The following SH3GL2 variants were observed in gnomAD, a reference collection of about 807,000 sequenced individuals.
SH3GL2 encodes endophilin-A1.
Under a neutral mutation model 46.0 loss-of-function variants are expected in SH3GL2, and 24 were observed. The ratio of observed to expected loss-of-function variants is 0.52; its 90% CI spans 0.38 to 0.73. The LOEUF (loss-of-function observed/expected upper bound fraction) is 0.73, where lower values mean the gene tolerates loss of function less well. SH3GL2 is among the 30% of genes least tolerant of loss of function. The probability of loss-of-function intolerance (pLI) is 0.00; values close to 1 mark genes in which losing one functional copy is unlikely to be tolerated. For missense variants in SH3GL2, 413 were observed against 424.2 expected (o/e 0.97, Z 0.23); for synonymous variants, 196 against 147.1 (o/e 1.33, Z -2.40).
At chr9:17,791,557 A>G (rs1824130133) in intron 7 of SH3GL2, among the ~76,000 whole-genome samples, 1 of 152,094 alleles carries the variant, frequency 6.6e-6, no homozygotes. Context: ...CGATACTTGG[A>G]TTATATTTTG....
At chr9:17,656,778 A>AC (rs894797419) in intron 1 of SH3GL2, among the ~76,000 whole-genome samples, 5 of 150,940 alleles carry the variant, frequency 3.3e-5, no homozygotes, top group Admixed American at 6.6e-5. Context: ...CTCAAAAAAA[A>AC]AAAAAAAAAC....
At chr9:17,607,183 T>G (rs1013359137) in intron 1 of SH3GL2, among the ~76,000 whole-genome samples, 6 of 152,124 alleles carry the variant, frequency 3.9e-5, no homozygotes, top group Admixed American at 1.3e-4. Flanking sequence ...CATCCTAGAG[T>G]GTAATCACAC....
chr9:17,633,418 T>A lies in SH3GL2; in HGVS notation c.45+54131T>A, dbSNP rs117563460. Reference sequence around the variant, plus strand: ...TAAAAGCATGGGTAACTGCTTAACATGTATTAAATGAAAAAGCAAAATACG... The same window carrying A: ...TAAAAGCATGGGTAACTGCTTAACAAGTATTAAATGAAAAAGCAAAATACG... On this transcript the variant is annotated intron_variant, in intron 1 of 8. Transcript: ENST00000380607. 8.4e-3 allele frequency among the ~76,000 whole-genome samples: 1,274 copies of A among 152,304 alleles called. 12 individuals are homozygous for A. Among genetic ancestry groups the A allele is most frequent in the Middle Eastern group, 0.017 (5 of 294 alleles).
intron 1 of SH3GL2, among the ~76,000 whole-genome samples, chr9:17,693,134 T>C (rs538041301): frequency 6.6e-6 from 1 of 152,264 alleles, no homozygotes; most frequent in African/African-American, 2.4e-5. Flanking sequence ...AAAATAAAAC[T>C]TTTTTTAAGT....
intron 1 of SH3GL2, among the ~76,000 whole-genome samples, chr9:17,683,277 A>G (rs898269175): frequency 6.6e-6 from 1 of 152,122 alleles, no homozygotes; most frequent in African/African-American, 2.4e-5. Flanking sequence ...CTCATGGGGA[A>G]CACTGGGGGC....
At chr9:17,678,506 A>T (rs1329197247) in intron 1 of SH3GL2, among the ~76,000 whole-genome samples, 1 of 151,938 alleles carries the variant, frequency 6.6e-6, no homozygotes, top group African/African-American at 2.4e-5. Flanking sequence ...AATTTGCTTG[A>T]GTTCATTGTA....
intron 1 of SH3GL2, among the ~76,000 whole-genome samples, chr9:17,636,202 G>A (rs12553683): frequency 7.4e-4 from 112 of 152,196 alleles, no homozygotes; most frequent in African/African-American, 2.4e-3. Context: ...TGGGATAACC[G>A]TGGATTGAAA....
intron 1 of SH3GL2, among the ~76,000 whole-genome samples, chr9:17,741,039 C>T (rs759994439): frequency 7.2e-5 from 11 of 151,984 alleles, no homozygotes; most frequent in South Asian, 4.1e-4. Flanking sequence ...GAATTGTCAA[C>T]GGTATTCTTT....
At chr9:17,720,670 T>C (rs1821873656) in intron 1 of SH3GL2, among the ~76,000 whole-genome samples, 1 of 152,096 alleles carries the variant, frequency 6.6e-6, no homozygotes, top group African/African-American at 2.4e-5. Flanking sequence ...AAGGAGGCAG[T>C]TTTAGGCTAA....
chr9:17,696,020 C>T (rs1176033000), intron 1 of SH3GL2, among the ~76,000 whole-genome samples: 1 of 152,196 alleles, frequency 6.6e-6, no homozygotes, highest in Admixed American at 6.5e-5. Context: ...GTGTTGTTGT[C>T]TGAGTTGTCC....
intron 1 of SH3GL2, chr9:17,589,611 A>T (rs1815166190): frequency 6.6e-6 from 1 of 152,240 alleles, no homozygotes; most frequent in Admixed American, 6.5e-5. Context: ...CAGGGATTTC[A>T]GTTAGAGTAG....
At chr9:17,634,109 T>C (rs563813058) in intron 1 of SH3GL2, among the ~76,000 whole-genome samples, 17 of 152,324 alleles carry the variant, frequency 1.1e-4, no homozygotes, top group African/African-American at 3.8e-4. Context: ...TTTGGAACTT[T>C]GGGCTCTTGA....
At chr9:17,728,606 C>T (rs1450640816) in intron 1 of SH3GL2, among the ~76,000 whole-genome samples, 1 of 152,098 alleles carries the variant, frequency 6.6e-6, no homozygotes, top group African/African-American at 2.4e-5. Flanking sequence ...AGGTATTTCT[C>T]CTAATGCTAT....
Position 17,672,641 on chromosome 9 carries a change from C to G in SH3GL2, c.46-74425C>G, listed in dbSNP as rs189545922. ...CCCTCTTTCTGGGAGCCACCCACCCCCTTCACCCAATACAGAGGACCTAAG... is the reference window on the plus strand; with the variant it reads ...CCCTCTTTCTGGGAGCCACCCACCCGCTTCACCCAATACAGAGGACCTAAG... On this transcript the variant is annotated intron_variant, in intron 1 of 8. Transcript: ENST00000380607. Among the ~76,000 whole-genome samples, 65 of 152,220 alleles carry G rather than the reference C, an allele frequency of 4.3e-4. 1 individual carries two copies. Among genetic ancestry groups the G allele is most frequent in the African/African-American group, 1.3e-3 (55 of 41,548 alleles).
chr9:17,673,079 G>A (rs189363325), intron 1 of SH3GL2, among the ~76,000 whole-genome samples: 7 of 152,076 alleles, frequency 4.6e-5, no homozygotes, highest in African/African-American at 1.7e-4. Flanking sequence ...TGTCAATTCT[G>A]CTTCAATAGT....
At chr9:17,613,589 A>G (rs111387904) in intron 1 of SH3GL2, among the ~76,000 whole-genome samples, 5,305 of 152,276 alleles carry the variant, frequency 0.035, 132 homozygotes, top group Middle Eastern at 0.078. Flanking sequence ...TTATTTGTCA[A>G]ATAAAGCACA....
chr9:17,702,003 A>C (rs1821352651), intron 1 of SH3GL2, among the ~76,000 whole-genome samples: 1 of 152,080 alleles, frequency 6.6e-6, no homozygotes, highest in Non-Finnish European at 1.5e-5. Flanking sequence ...AAGGAAGGAT[A>C]ATAAGGAAAA....
intron 1 of SH3GL2, among the ~76,000 whole-genome samples, chr9:17,644,726 G>A (rs895293173): frequency 6.6e-6 from 1 of 152,118 alleles, no homozygotes; most frequent in Admixed American, 6.6e-5. Context: ...ATTTGCTGAG[G>A]AGTGCTTTAC....
chr9:17,625,819 G>A (rs116089385), intron 1 of SH3GL2, among the ~76,000 whole-genome samples: 2,493 of 152,252 alleles, frequency 0.016, 77 homozygotes, highest in African/African-American at 0.057. Flanking sequence ...CATACTGGGG[G>A]TATCGTTTTT....
Sources: allele counts gnomAD v4.1 joint callset (sites outside exome capture counted in the v4.1 genomes callset), GRCh38; gene constraint gnomAD v4.1.1; transcripts MANE v1.5; gene names NCBI Gene and HGNC (gene_info 2026-07-23, HGNC 2026-07-21).